The following FAM168A variants were observed in gnomAD, a reference collection of about 807,000 sequenced individuals.
FAM168A encodes protein FAM168A.
In FAM168A, 3 loss-of-function variants were observed where a neutral mutation model predicts 28.5. That is an observed-to-expected ratio of 0.11 (90% confidence interval 0.05 to 0.27). The LOEUF (loss-of-function observed/expected upper bound fraction) is 0.27. FAM168A is among the 10% of genes least tolerant of loss of function. The pLI is 1.00. For missense variants in FAM168A, 222 were observed against 311.5 expected (o/e 0.71, Z 2.16); for synonymous variants, 122 against 124.2 (o/e 0.98, Z 0.12).
chr11:73,417,328 T>G (rs1256584976), intron 4 of FAM168A, among the ~76,000 whole-genome samples: 1 of 152,178 alleles, frequency 6.6e-6, no homozygotes. Flanking sequence ...TGCATGGACA[T>G]CAATTATCCA....
chr11:73,497,936 T>A (rs981046925), intron 1 of FAM168A, among the ~76,000 whole-genome samples: 93 of 152,186 alleles, frequency 6.1e-4, no homozygotes, highest in Non-Finnish European at 8.7e-4. Flanking sequence ...CTCCATTTAA[T>A]TTTTTTCTCA....
intron 2 of FAM168A, among the ~76,000 whole-genome samples, chr11:73,460,272 T>C (rs1437984184): frequency 6.6e-6 from 1 of 152,156 alleles, no homozygotes; most frequent in African/African-American, 2.4e-5. Flanking sequence ...ATCAGAGGGC[T>C]ACTCATTAGC....
chr11:73,459,930 G>A (rs748500016), intron 2 of FAM168A, among the ~76,000 whole-genome samples: 20 of 144,046 alleles, frequency 1.4e-4, no homozygotes, highest in Middle Eastern at 7.2e-3. Context: ...GCCCAGGCTG[G>A]AGTGCAGTGG....
At chr11:73,434,598 T>G (rs995982947) in intron 2 of FAM168A, among the ~76,000 whole-genome samples, 3 of 151,944 alleles carry the variant, frequency 2.0e-5, no homozygotes, top group Non-Finnish European at 4.4e-5. Context: ...ATGGAACAAA[T>G]GAGGGGGCAG....
At chr11:73,414,987 A>AT (rs1162298108) in intron 4 of FAM168A, among the ~76,000 whole-genome samples, 4 of 152,208 alleles carry the variant, frequency 2.6e-5, no homozygotes, top group Non-Finnish European at 5.9e-5. Context: ...GGGAAGCTGG[A>AT]TTACCCACTG....
chr11:73,545,151 G>C (rs879057964), intron 1 of FAM168A, among the ~76,000 whole-genome samples: 2 of 146,390 alleles, frequency 1.4e-5, no homozygotes, highest in Non-Finnish European at 1.5e-5. Flanking sequence ...TCAGCCTCCT[G>C]AGTAGCTAAG....
At chr11:73,499,152 G>A (rs189662511) in intron 1 of FAM168A, among the ~76,000 whole-genome samples, 7 of 152,244 alleles carry the variant, frequency 4.6e-5, no homozygotes, top group African/African-American at 1.4e-4. Flanking sequence ...GAAGGAGCAG[G>A]AACCCATCTT....
chr11:73,409,668 G>A lies in FAM168A; in HGVS notation c.421-7C>T, dbSNP rs1590752380. 1 of 1,595,152 alleles carries A rather than the reference G, an allele frequency of 6.3e-7. No individual in the cohort carries two copies. Among genetic ancestry groups the A allele is most frequent in the Non-Finnish European group, 8.6e-7 (1 of 1,168,130 alleles). ...GCTGTGTGTAGTAGGCTCCCTGGGG[G>A]AAAGAGGCTGAGGTCACATAGGCAT... On this transcript the variant is annotated splice_region_variant and splice_polypyrimidine_tract_variant and intron_variant, in intron 5 of 7. Transcript: ENST00000356467.
intron 1 of FAM168A, among the ~76,000 whole-genome samples, chr11:73,529,189 C>G (rs1943484918): frequency 2.6e-5 from 4 of 152,276 alleles, no homozygotes; most frequent in Middle Eastern, 6.8e-3. Context: ...GAAATCACTT[C>G]CACAGATTTC....
chr11:73,453,360 C>T (rs1199534981), intron 2 of FAM168A, among the ~76,000 whole-genome samples: 1 of 152,148 alleles, frequency 6.6e-6, no homozygotes, highest in Non-Finnish European at 1.5e-5. Context: ...CTCTGTGATT[C>T]CATGGGAAGT....
chr11:73,492,277 T>C (rs1868139179), intron 1 of FAM168A, among the ~76,000 whole-genome samples: 2 of 152,146 alleles, frequency 1.3e-5, no homozygotes, highest in Admixed American at 1.3e-4. Flanking sequence ...AATTAATCAC[T>C]TAACAACATA....
chr11:73,585,345 T>G (rs544385464), intron 1 of FAM168A, among the ~76,000 whole-genome samples: 12 of 152,236 alleles, frequency 7.9e-5, no homozygotes, highest in Non-Finnish European at 1.3e-4. Context: ...ATAGGAATTA[T>G]GTACTATTAT....
intron 1 of FAM168A, among the ~76,000 whole-genome samples, chr11:73,539,154 A>T (rs973192076): frequency 2.7e-4 from 41 of 152,242 alleles, no homozygotes; most frequent in African/African-American, 9.9e-4. Context: ...CATTTTCTCA[A>T]TTCAACAGTT....
Position 73,484,520 on chromosome 11 carries a change from ATATATATC to A in FAM168A, c.-18-16036_-18-16029del, listed in dbSNP as rs1555026133. 5.3e-4 allele frequency among the ~76,000 whole-genome samples: 71 copies of A among 135,002 alleles called. No individual in the cohort carries two copies. In the East Asian group the frequency reaches 6.6e-3, roughly 13 times the overall value. The allele number at this position is 135,002 out of a possible 152,430, so 88.6% of individuals were successfully genotyped here. A position where few individuals can be genotyped will look rare whatever the true frequency, so the allele number is the denominator to read the frequency against. ...AGAGGAGAGAGAGATATATATAGAT[ATATATATC>A]TATATATCTATATATCTATCTATAT... On this transcript the variant is annotated intron_variant, in intron 1 of 7. Coordinates refer to ENST00000356467, the MANE Select transcript of FAM168A (RefSeq NM_015159.3).
chr11:73,479,447 G>A (rs989414296), intron 1 of FAM168A, among the ~76,000 whole-genome samples: 8 of 152,134 alleles, frequency 5.3e-5, no homozygotes, highest in African/African-American at 1.9e-4. Context: ...AGGAGGAAAG[G>A]CCATTTGTGA....
intron 1 of FAM168A, among the ~76,000 whole-genome samples, chr11:73,485,120 T>C (rs1304533290): frequency 1.3e-5 from 2 of 152,206 alleles, no homozygotes; most frequent in Admixed American, 6.5e-5. Context: ...TGACACTCAG[T>C]ATTAACCATC....
intron 1 of FAM168A, among the ~76,000 whole-genome samples, chr11:73,497,944 TCAC>T (rs1198267485): frequency 6.6e-6 from 1 of 152,204 alleles, no homozygotes; most frequent in East Asian, 1.9e-4. Context: ...AATTTTTTTC[TCAC>T]ATATTATTGA....
intron 3 of FAM168A, among the ~76,000 whole-genome samples, chr11:73,420,309 G>A (rs910103036): frequency 1.3e-5 from 2 of 152,152 alleles, no homozygotes; most frequent in African/African-American, 2.4e-5. Flanking sequence ...GTGGCCTAGG[G>A]CTCTGGTATA....
At chr11:73,555,216 A>AG (rs1943875817) in intron 1 of FAM168A, among the ~76,000 whole-genome samples, 1 of 152,198 alleles carries the variant, frequency 6.6e-6, no homozygotes, top group Admixed American at 6.5e-5. Flanking sequence ...AAAAGTCATC[A>AG]GGGGCCTGTC....
Sources: gnomAD v4.1 joint callset for allele counts (sites outside exome capture counted in the v4.1 genomes callset) on GRCh38, gnomAD v4.1.1 for gene constraint, MANE v1.5 for transcripts, NCBI Gene and HGNC (gene_info 2026-07-23, HGNC 2026-07-21) for gene names.